Variants in ESRRG observed in about 807,000 individuals in gnomAD.
The protein encoded by ESRRG is estrogen related receptor gamma.
In ESRRG, 13 loss-of-function variants were observed where a neutral mutation model predicts 44.0. That is an observed-to-expected ratio of 0.30 (90% CI 0.19 to 0.47). The LOEUF (loss-of-function observed/expected upper bound fraction) is 0.47. Among genes scored for constraint, ESRRG ranks in the 20% least tolerant of loss-of-function variants. The probability of loss-of-function intolerance (pLI) is 1.00; values close to 1 mark genes in which losing one functional copy is unlikely to be tolerated. For synonymous variants in ESRRG, 215 were observed against 214.6 expected, an observed-to-expected ratio of 1.00 and a Z score of -0.02; for missense variants, 395 against 580.6, an observed-to-expected ratio of 0.68 and a Z score of 3.29.
intron 3 of ESRRG, among the ~76,000 whole-genome samples, chr1:216,584,703 A>G (rs1328358658): frequency 6.6e-6 from 1 of 152,218 alleles, no homozygotes; most frequent in Non-Finnish European, 1.5e-5. Context: ...ATAACTTTTC[A>G]TATTACTTCT....
chr1:217,129,274 C>T (rs112055241), intron 1 of ESRRG, among the ~76,000 whole-genome samples: 482 of 152,090 alleles, frequency 3.2e-3, no homozygotes, highest in African/African-American at 0.011. Context: ...AAATACAAAT[C>T]GAAACAACAG....
chr1:216,994,777 G>A (rs533543306), intron 1 of ESRRG, among the ~76,000 whole-genome samples: 15 of 151,734 alleles, frequency 9.9e-5, no homozygotes, highest in Admixed American at 2.6e-4. Flanking sequence ...TAGTAGAGAC[G>A]GGCTTTCACT....
intron 1 of ESRRG, among the ~76,000 whole-genome samples, chr1:216,679,649 T>C (rs979162786): frequency 1.4e-5 from 2 of 147,494 alleles, no homozygotes; most frequent in African/African-American, 5.0e-5. Context: ...TTTTTTTTTA[T>C]CCAGAGGAGA....
At chr1:216,682,709 AGTGT>A (rs72420221) in intron 1 of ESRRG, among the ~76,000 whole-genome samples, 179 of 144,736 alleles carry the variant, frequency 1.2e-3, no homozygotes, top group African/African-American at 3.5e-3. Flanking sequence ...AATACTCTAT[AGTGT>A]GTGTGTGTGT....
chr1:216,754,547 T>C (rs1353134814), intron 2 of ESRRG, among the ~76,000 whole-genome samples: 2 of 151,948 alleles, frequency 1.3e-5, no homozygotes, highest in African/African-American at 4.8e-5. Flanking sequence ...AGGAACTCTA[T>C]ATAAGAAACA....
At chr1:216,629,577 G>A (rs1025551960) in intron 3 of ESRRG, among the ~76,000 whole-genome samples, 2 of 152,086 alleles carry the variant, frequency 1.3e-5, no homozygotes, top group Non-Finnish European at 2.9e-5. Context: ...TTTCACCAGA[G>A]CAGACTCTAA....
chr1:216,979,234 G>C (rs1017354319), intron 1 of ESRRG, among the ~76,000 whole-genome samples: 1 of 152,032 alleles, frequency 6.6e-6, no homozygotes, highest in African/African-American at 2.4e-5. Flanking sequence ...TGTTGAAAAA[G>C]ACTTTCCTTA....
intron 1 of ESRRG, among the ~76,000 whole-genome samples, chr1:216,966,502 A>T (rs2150235228): frequency 6.6e-6 from 1 of 152,290 alleles, no homozygotes; most frequent in African/African-American, 2.4e-5. Flanking sequence ...ACCAGAAGGT[A>T]GAAACTAGCC....
At chr1:216,937,372 A>G (rs2064317290) in intron 2 of ESRRG, among the ~76,000 whole-genome samples, 1 of 152,192 alleles carries the variant, frequency 6.6e-6, no homozygotes, top group South Asian at 2.1e-4. Context: ...CAGACTACAT[A>G]AGATGGGTGT....
chr1:217,129,936 T>C (rs2092942132), intron 1 of ESRRG, among the ~76,000 whole-genome samples: 1 of 152,134 alleles, frequency 6.6e-6, no homozygotes, highest in Non-Finnish European at 1.5e-5. Context: ...CTGAATTATA[T>C]TGCTTAAAAT....
At chr1:217,102,233 C>T (rs11808388) in intron 1 of ESRRG, among the ~76,000 whole-genome samples, 17,856 of 152,126 alleles carry the variant, frequency 0.12, 1,392 homozygotes, top group African/African-American at 0.22. Context: ...TCTGTAAAAA[C>T]GGAGGCACAA....
At chr1:217,125,856 C>T (rs2102516384) in intron 1 of ESRRG, among the ~76,000 whole-genome samples, 1 of 152,210 alleles carries the variant, frequency 6.6e-6, no homozygotes, top group South Asian at 2.1e-4. Context: ...CTAAATATTT[C>T]AAGATGTTTG....
chr1:216,718,903 A>G (rs1171680772), intron 1 of ESRRG, among the ~76,000 whole-genome samples: 1 of 152,038 alleles, frequency 6.6e-6, no homozygotes, highest in Non-Finnish European at 1.5e-5. Context: ...TAAAAGCTGG[A>G]TAAGTGATGC....
At chr1:216,740,494 A>G (rs750736698) in intron 2 of ESRRG, among the ~76,000 whole-genome samples, 2 of 152,084 alleles carry the variant, frequency 1.3e-5, no homozygotes, top group Non-Finnish European at 2.9e-5. Context: ...CAAGCTTCCC[A>G]CTACCATCTC....
chr1:217,121,646 C>T (rs918285472), intron 1 of ESRRG, among the ~76,000 whole-genome samples: 15 of 152,172 alleles, frequency 9.9e-5, no homozygotes, highest in African/African-American at 3.6e-4. Context: ...ACCCTGTTCT[C>T]TGGACATCTG....
At chr1:216,984,194 G>C (rs376485806) in intron 1 of ESRRG, among the ~76,000 whole-genome samples, 2 of 152,080 alleles carry the variant, frequency 1.3e-5, no homozygotes, top group African/African-American at 2.4e-5. Context: ...GTTTCTGGGA[G>C]CCCCTGGCAG....
chr1:216,598,357 G>A (rs2058731120), intron 3 of ESRRG, among the ~76,000 whole-genome samples: 1 of 152,150 alleles, frequency 6.6e-6, no homozygotes, highest in African/African-American at 2.4e-5. Context: ...AATAGATGTG[G>A]CATTTGTGGG....
At chr1:217,078,664 G>A (rs2091515419) in intron 1 of ESRRG, among the ~76,000 whole-genome samples, 1 of 152,202 alleles carries the variant, frequency 6.6e-6, no homozygotes, top group Admixed American at 6.5e-5. Flanking sequence ...TCCTGTCTCT[G>A]CTGTCCTGAC....
chr1:216,652,328 T>C (rs1303890322), intron 2 of ESRRG, among the ~76,000 whole-genome samples: 1 of 152,152 alleles, frequency 6.6e-6, no homozygotes, highest in East Asian at 1.9e-4. Context: ...AAACACTGAT[T>C]TATATTGACT....
Sources: allele counts gnomAD v4.1 joint callset (sites outside exome capture counted in the v4.1 genomes callset), GRCh38; gene constraint gnomAD v4.1.1; transcripts MANE v1.5; gene names NCBI Gene and HGNC (gene_info 2026-07-23, HGNC 2026-07-21).